SOS1: variants seen among roughly 807,000 people sequenced by gnomAD.
The protein encoded by SOS1 is son of sevenless homolog 1.
In SOS1, 25 loss-of-function variants were observed where a neutral mutation model predicts 157.6. The observed-to-expected ratio is 0.16, with a 90% CI of 0.12 to 0.22. The LOEUF (loss-of-function observed/expected upper bound fraction) is 0.22. SOS1 is among the 10% of genes least tolerant of loss of function. The pLI, the probability that SOS1 is intolerant of heterozygous loss-of-function variation, is 1.00. For synonymous variants in SOS1, 528 were observed against 534.0 expected (o/e 0.99, Z 0.16); for missense variants, 1,237 against 1,599.1 (o/e 0.77, Z 3.86).
intron 1 of SOS1, among the ~76,000 whole-genome samples, chr2:39,112,362 C>T (rs1437060936): frequency 2.0e-5 from 3 of 152,166 alleles, no homozygotes; most frequent in African/African-American, 7.2e-5. Context: ...CTCTTTCTTT[C>T]CCATGGCTCA....
intron 1 of SOS1, among the ~76,000 whole-genome samples, chr2:39,069,880 A>G (rs1041620263): frequency 3.3e-5 from 5 of 152,212 alleles, no homozygotes; most frequent in Non-Finnish European, 7.4e-5. Flanking sequence ...TTAATTTTAC[A>G]GGTGAAGAAA....
At position 39,054,791 on chromosome 2, in the gene SOS1, T is replaced by G. The variant is rs201068374; in HGVS notation, c.543A>C (p.Glu181Asp). 4 of 1,547,068 alleles carry G rather than the reference T, an allele frequency of 2.6e-6. No individual in the cohort carries two copies. In the South Asian group the frequency reaches 4.5e-5, roughly 17 times the overall value. ...VLMDMFHQDV[E>D]DINILSLTDE... ...CAGTTAAAGATAATATATTAATATC[T>G]TCTACATCTTGATGAAACATATCCA... The change falls in exon 5 of 23, where the codon GAA becomes GAC. Residue 181 changes from glutamate (E) to aspartate (D), a missense_variant. Coordinates refer to ENST00000402219, the MANE Select transcript of SOS1 (RefSeq NM_005633.4).
intron 8 of SOS1, among the ~76,000 whole-genome samples, chr2:39,031,255 C>G (rs1670149670): frequency 6.6e-6 from 1 of 152,150 alleles, no homozygotes; most frequent in African/African-American, 2.4e-5. Context: ...GTTACAAGGA[C>G]CCAGCATACA....
intron 1 of SOS1, among the ~76,000 whole-genome samples, chr2:39,106,353 G>C (rs915074125): frequency 2.2e-4 from 34 of 152,020 alleles, no homozygotes; most frequent in Non-Finnish European, 3.4e-4. Flanking sequence ...CACTTTGGGA[G>C]GCCGAGGCGG....
At chr2:39,011,348 A>T (rs1160552984) in intron 14 of SOS1, among the ~76,000 whole-genome samples, 1 of 152,198 alleles carries the variant, frequency 6.6e-6, no homozygotes, top group Non-Finnish European at 1.5e-5. Context: ...TAGGGTGACA[A>T]AGTAGACATT....
intron 1 of SOS1, among the ~76,000 whole-genome samples, chr2:39,105,455 A>G (rs1413345044): frequency 6.6e-6 from 1 of 152,178 alleles, no homozygotes; most frequent in African/African-American, 2.4e-5. Flanking sequence ...GATCATATTT[A>G]CAGTTGGGCT....
At chr2:39,046,414 T>C (rs992460056) in intron 6 of SOS1, among the ~76,000 whole-genome samples, 4 of 152,106 alleles carry the variant, frequency 2.6e-5, no homozygotes, top group African/African-American at 4.8e-5. Flanking sequence ...TTAAACTTAT[T>C]TTTAAAACTA....
At chr2:39,093,577 T>C (rs1292845377) in intron 1 of SOS1, among the ~76,000 whole-genome samples, 1 of 152,214 alleles carries the variant, frequency 6.6e-6, no homozygotes, top group Non-Finnish European at 1.5e-5. Flanking sequence ...ATATCTAATC[T>C]ATTTGTTAAG....
At chr2:39,043,307 A>G (rs1670638439) in intron 6 of SOS1, among the ~76,000 whole-genome samples, 1 of 152,212 alleles carries the variant, frequency 6.6e-6, no homozygotes, top group South Asian at 2.1e-4. Context: ...AGTAAACATC[A>G]TAAGATATAT....
chr2:39,042,649 C>T lies in SOS1; in HGVS notation c.865-7149G>A, dbSNP rs182053491. 3.8e-3 allele frequency among the ~76,000 whole-genome samples: 568 copies of T among 150,962 alleles called. 4 individuals carry two copies. The highest frequency in any genetic ancestry group is 5.3e-3 in the Non-Finnish European group (363 of 67,852). ...CAAACTCCTGACCTTGTGATCCGCC[C>T]GCCTCAGCCTCCAAAAGTGCTGGGA... is the stretch of plus-strand genomic sequence containing the variant. On this transcript the variant is annotated intron_variant, in intron 6 of 22. Transcript: ENST00000402219.
chr2:39,021,069 T>C (rs1366170738), intron 10 of SOS1, among the ~76,000 whole-genome samples: 1 of 151,688 alleles, frequency 6.6e-6, no homozygotes, highest in African/African-American at 2.4e-5. Context: ...TTTATATTCA[T>C]TATAAGTAAA....
At chr2:38,995,530 G>A in intron 19 of SOS1, 143 bp from the exon 20 acceptor site, 1 of 670,068 alleles carries the variant, frequency 1.5e-6, no homozygotes. Flanking sequence ...AATAAAAGTA[G>A]AACATTTAAA....
intron 8 of SOS1, among the ~76,000 whole-genome samples, chr2:39,031,209 G>T (rs1005092505): frequency 6.6e-6 from 1 of 152,088 alleles, no homozygotes; most frequent in African/African-American, 2.4e-5. Flanking sequence ...ACTTCAACCT[G>T]AATTTTAAAA....
intron 8 of SOS1, among the ~76,000 whole-genome samples, chr2:39,027,068 C>T (rs1321972122): frequency 3.3e-5 from 5 of 152,064 alleles, no homozygotes; most frequent in Non-Finnish European, 4.4e-5. Context: ...AGATACAAGG[C>T]AATTTTTCGG....
chr2:39,107,189 C>T (rs919063467), intron 1 of SOS1, among the ~76,000 whole-genome samples: 1 of 151,880 alleles, frequency 6.6e-6, no homozygotes. Flanking sequence ...CCAGAGATGA[C>T]CCTAATTGAT....
intron 16 of SOS1, 141 bp downstream of exon 16, chr2:39,006,890 A>G (rs940626879): frequency 4.4e-6 from 3 of 685,698 alleles, no homozygotes; most frequent in Admixed American, 2.5e-5. Context: ...AATTCATTAC[A>G]AAACTTAGAT....
intron 1 of SOS1, among the ~76,000 whole-genome samples, chr2:39,117,693 G>A (rs558891244): frequency 1.3e-5 from 2 of 152,106 alleles, no homozygotes; most frequent in Admixed American, 1.3e-4. Flanking sequence ...AAGGTGAGGT[G>A]GGGGCCAGTG....
chr2:39,030,623 C>G (rs1670128838), intron 8 of SOS1, among the ~76,000 whole-genome samples: 1 of 151,940 alleles, frequency 6.6e-6, no homozygotes, highest in Non-Finnish European at 1.5e-5. Flanking sequence ...GCCAATGTAG[C>G]CAGTGTATAT....
At chr2:39,087,745 T>C (rs1672430458) in intron 1 of SOS1, among the ~76,000 whole-genome samples, 1 of 152,210 alleles carries the variant, frequency 6.6e-6, no homozygotes, top group Admixed American at 6.5e-5. Context: ...CTTGGTTCAC[T>C]GCAACCTTTG....
Sources: allele counts gnomAD v4.1 joint callset (sites outside exome capture counted in the v4.1 genomes callset), GRCh38; gene constraint gnomAD v4.1.1; transcripts MANE v1.5; gene names NCBI Gene and HGNC (gene_info 2026-07-23, HGNC 2026-07-21).